Variants in KHDRBS2 observed in about 807,000 individuals in gnomAD.
KHDRBS2 encodes KH RNA binding domain containing, signal transduction associated 2.
In KHDRBS2, 26 loss-of-function variants were observed where a neutral mutation model predicts 44.3. The ratio of observed to expected loss-of-function variants is 0.59; its 90% confidence interval spans 0.43 to 0.81. KHDRBS2 has a LOEUF of 0.81. KHDRBS2 is among the 40% of genes least tolerant of loss of function. The probability of loss-of-function intolerance (pLI) is 0.00; values close to 1 mark genes in which losing one functional copy is unlikely to be tolerated. For synonymous variants in KHDRBS2, 194 were observed against 151.1 expected (o/e 1.28, Z -2.08); for missense variants, 476 against 433.1 (o/e 1.10, Z -0.88).
At chr6:61,745,714 T>C (rs2076463332) in intron 6 of KHDRBS2, among the ~76,000 whole-genome samples, 1 of 152,182 alleles carries the variant, frequency 6.6e-6, no homozygotes, top group Non-Finnish European at 1.5e-5. Context: ...TATCTTACTA[T>C]ATTTCTAATC....
intron 6 of KHDRBS2, among the ~76,000 whole-genome samples, chr6:61,869,618 A>T (rs1798299599): frequency 6.6e-6 from 1 of 152,182 alleles, no homozygotes; most frequent in Non-Finnish European, 1.5e-5. Flanking sequence ...TCCCAGCGAG[A>T]TTGACGCAGA....
chr6:61,988,353 G>A (rs1290079458), intron 3 of KHDRBS2, among the ~76,000 whole-genome samples: 1 of 152,192 alleles, frequency 6.6e-6, no homozygotes, highest in East Asian at 1.9e-4. Flanking sequence ...CATTTCAGTT[G>A]CCTATTAATT....
intron 6 of KHDRBS2, among the ~76,000 whole-genome samples, chr6:61,888,796 C>T (rs1310061833): frequency 6.6e-6 from 1 of 151,916 alleles, no homozygotes; most frequent in Non-Finnish European, 1.5e-5. Context: ...CTCCTGACTT[C>T]GTGATCCACC....
chr6:62,239,806 C>T (rs1284305742), intron 1 of KHDRBS2, among the ~76,000 whole-genome samples: 3 of 151,978 alleles, frequency 2.0e-5, no homozygotes, highest in Non-Finnish European at 4.4e-5. Flanking sequence ...TTGTCTCAGC[C>T]TCCTGAGTAG....
intron 2 of KHDRBS2, among the ~76,000 whole-genome samples, chr6:62,129,109 A>G (rs1392265303): frequency 6.6e-6 from 1 of 152,078 alleles, no homozygotes; most frequent in African/African-American, 2.4e-5. Flanking sequence ...TGTTAAAATT[A>G]CTCCATCTTG....
chr6:61,959,231 A>G (rs373711797), intron 4 of KHDRBS2, among the ~76,000 whole-genome samples: 2 of 152,216 alleles, frequency 1.3e-5, no homozygotes, highest in Admixed American at 6.5e-5. Flanking sequence ...GGTTAAAAAT[A>G]TAAGGGCATA....
At chr6:61,911,758 A>G (rs1806085903) in intron 4 of KHDRBS2, among the ~76,000 whole-genome samples, 2 of 152,072 alleles carry the variant, frequency 1.3e-5, no homozygotes, top group Non-Finnish European at 2.9e-5. Context: ...ATTTTTGACA[A>G]GCTACTCTGT....
chr6:61,907,661 AC>A (rs1468525190), intron 4 of KHDRBS2, among the ~76,000 whole-genome samples: 9 of 152,120 alleles, frequency 5.9e-5, no homozygotes, highest in Non-Finnish European at 1.3e-4. Context: ...TATTAAAGAG[AC>A]TGTCTTTTCC....
chr6:62,125,472 C>G (rs1421103926), intron 2 of KHDRBS2, among the ~76,000 whole-genome samples: 1 of 152,136 alleles, frequency 6.6e-6, no homozygotes, highest in Non-Finnish European at 1.5e-5. Context: ...GGGCTCAGAG[C>G]CAGTGGACTT....
At chr6:61,953,676 C>A (rs897216876) in intron 4 of KHDRBS2, among the ~76,000 whole-genome samples, 1 of 151,830 alleles carries the variant, frequency 6.6e-6, no homozygotes, top group Non-Finnish European at 1.5e-5. Context: ...CATTTTTCTG[C>A]GGGAAAATAA....
chr6:61,772,195 G>A lies in KHDRBS2; in HGVS notation c.811-39431C>T, dbSNP rs547074261. 1.9e-4 allele frequency among the ~76,000 whole-genome samples: 29 copies of A among 152,158 alleles called. No individual in the cohort carries two copies. In the South Asian group the frequency reaches 3.1e-3, roughly 16 times the overall value. On this transcript the variant is annotated intron_variant, in intron 6 of 8. Coordinates refer to ENST00000281156, the MANE Select transcript of KHDRBS2 (RefSeq NM_152688.4). ...TTGTGTAGAGGGAAATTTATAGCAC[G>A]AAATGTCCACAAGAGAAAGCAGGAA... is the stretch of plus-strand genomic sequence containing the variant.
At chr6:61,583,910 C>G in the KHDRBS2 span, among the ~76,000 whole-genome samples, 2 of 151,246 alleles carry the variant, frequency 1.3e-5, no homozygotes, top group Non-Finnish European at 3.0e-5. Context: ...TTTAATGTAG[C>G]TATCTTATGT....
rs186942845 is a variant in KHDRBS2, at chr6:61,709,841, C to T, written c.894-12588G>A. ...AATGGACATAATTTTAACTATATCA[C>T]GTGTTTCTTTGGCTGTCACAATTCA... On this transcript the variant is annotated intron_variant, in intron 7 of 8. Coordinates refer to ENST00000281156, the MANE Select transcript of KHDRBS2 (RefSeq NM_152688.4). Among the ~76,000 whole-genome samples, 376 of 151,718 alleles carry T rather than the reference C, an allele frequency of 2.5e-3. 1 individual carries two copies. Among genetic ancestry groups the T allele is most frequent in the South Asian group, 3.1e-3 (15 of 4,822 alleles).
chr6:62,162,244 G>A (rs776409406), intron 2 of KHDRBS2, among the ~76,000 whole-genome samples: 13 of 151,966 alleles, frequency 8.6e-5, no homozygotes, highest in Non-Finnish European at 1.9e-4. Context: ...AGGACCCCCT[G>A]AAGCATTTCT....
In KHDRBS2 at chr6:62,194,480, C is replaced by CTTTTTTTTTTTTTTTTTTTTTTTTTTT. The variant is rs70996208; in HGVS notation, c.92-17195_92-17169dup. Among the ~76,000 whole-genome samples the CTTTTTTTTTTTTTTTTTTTTTTTTTTT allele has an allele frequency of 1.4e-4, 10 of 69,768 alleles. 1 individual carries two copies. The highest frequency in any genetic ancestry group is 2.0e-4 in the Non-Finnish European group (8 of 39,776). The allele number at this position is 69,768 out of a possible 152,430, so 45.8% of individuals were successfully genotyped here. ...CACTTTCTTTTCTTTTCTTTTCTTC[C>CTTTTTTTTTTTTTTTTTTTTTTTTTTT]TTTTTTTTTTTTTTTTTTTTTTTTT... On this transcript the variant is annotated intron_variant, in intron 1 of 8. Transcript: ENST00000281156.
At chr6:61,776,364 A>C (rs1372992361) in intron 6 of KHDRBS2, among the ~76,000 whole-genome samples, 4 of 152,024 alleles carry the variant, frequency 2.6e-5, no homozygotes, top group African/African-American at 9.7e-5. Flanking sequence ...AACCTACAAA[A>C]TGGGAGAAAA....
At chr6:62,143,529 C>T (rs1813297525) in intron 2 of KHDRBS2, among the ~76,000 whole-genome samples, 1 of 151,902 alleles carries the variant, frequency 6.6e-6, no homozygotes, top group Non-Finnish European at 1.5e-5. Context: ...AGTCTATGGC[C>T]AGGTATCACT....
intron 2 of KHDRBS2, among the ~76,000 whole-genome samples, chr6:62,171,708 G>C (rs549189155): frequency 6.6e-6 from 1 of 152,102 alleles, no homozygotes; most frequent in Non-Finnish European, 1.5e-5. Context: ...AAGGAAACCC[G>C]ATCTGGCTAA....
At chr6:62,214,360 T>G (rs1462241872) in intron 1 of KHDRBS2, among the ~76,000 whole-genome samples, 8 of 152,194 alleles carry the variant, frequency 5.3e-5, no homozygotes. Flanking sequence ...ATTAGTTTTT[T>G]AAATACTAAG....
Sources: allele counts gnomAD v4.1 joint callset (sites outside exome capture counted in the v4.1 genomes callset), GRCh38; gene constraint gnomAD v4.1.1; transcripts MANE v1.5; gene names NCBI Gene and HGNC (gene_info 2026-07-23, HGNC 2026-07-21).